Variants in EOGT observed in about 807,000 individuals in gnomAD.
The protein encoded by EOGT is EGF domain-specific O-linked N-acetylglucosamine transferase.
In EOGT, 55 loss-of-function variants were observed where a neutral mutation model predicts 70.5. The observed-to-expected ratio is 0.78, with a 90% CI of 0.63 to 0.98. EOGT has a LOEUF of 0.98. EOGT is among the 50% of genes least tolerant of loss of function. EOGT has a pLI of 0.00. For missense variants in EOGT, 703 were observed against 641.9 expected (o/e 1.10, Z -1.03); for synonymous variants, 246 against 217.1 (o/e 1.13, Z -1.17).
intron 8 of EOGT, among the ~76,000 whole-genome samples, chr3:69,001,998 T>C (rs2091306522): frequency 1.3e-5 from 2 of 152,192 alleles, no homozygotes; most frequent in Admixed American, 6.5e-5. Context: ...AAGACCATCC[T>C]GGTCAACACG....
intron 8 of EOGT, among the ~76,000 whole-genome samples, chr3:69,003,007 A>G (rs2091339603): frequency 6.6e-6 from 1 of 152,104 alleles, no homozygotes. Context: ...ACATTATGTA[A>G]GTAACCTATG....
chr3:68,987,470 T>C lies in EOGT; in HGVS notation c.1127A>G (p.Tyr376Cys), dbSNP rs1471073007. Residue 376 changes from tyrosine to cysteine, a missense_variant, in exon 14 of 18, where the codon TAC becomes TGC. Coordinates refer to ENST00000383701, the MANE Select transcript of EOGT (RefSeq NM_001278689.2). ...RVTILARSTE[Y>C]RKILNQNELV... ...CTCATTTTGGTTAAGGATTTTCCGG[T>C]ATTCTGTGCTCCGTGCAAGAATGGT... 1 of 1,613,902 alleles carries C rather than the reference T, an allele frequency of 6.2e-7. No homozygotes were observed. Among genetic ancestry groups the C allele is most frequent in the Non-Finnish European group, 8.5e-7 (1 of 1,179,904 alleles).
chr3:69,009,933 CAA>C (rs60324569), intron 3 of EOGT, 73 bp from the exon 4 acceptor site: 237 of 254,834 alleles, frequency 9.3e-4, no homozygotes, highest in Middle Eastern at 1.3e-3. Context: ...ACAACAACAA[CAA>C]AAAAAAAAAA....
intron 3 of EOGT, 85 bp from the exon 4 acceptor site, chr3:69,009,945 A>C (rs1247565677): frequency 1.2e-5 from 7 of 579,264 alleles, no homozygotes; most frequent in Middle Eastern, 5.2e-4. Context: ...AAAAAAAAAA[A>C]AAAACAAAGG....
chr3:69,007,634 A>C, intron 6 of EOGT, 79 bp downstream of exon 6: 2 of 922,170 alleles, frequency 2.2e-6, no homozygotes, highest in East Asian at 6.1e-5. Context: ...CCAGGGCAAT[A>C]GACAGAAACT....
intron 14 of EOGT, among the ~76,000 whole-genome samples, chr3:68,983,501 G>A (rs569325096): frequency 3.9e-5 from 6 of 152,330 alleles, no homozygotes; most frequent in South Asian, 2.1e-4. Flanking sequence ...ATTAGGCCAC[G>A]GGGGATCACC....
In EOGT at chr3:69,000,483, C is replaced by T. The variant is rs564854914; in HGVS notation, c.727+1125G>A. On this transcript the variant is annotated intron_variant, in intron 9 of 17. Coordinates refer to ENST00000383701, the MANE Select transcript of EOGT (RefSeq NM_001278689.2). ...ACCTGGAACATAGCATTTTTACTCG[C>T]TTTTATTTCAAAAACCTAAACTTGT... 2.3e-4 allele frequency among the ~76,000 whole-genome samples: 35 copies of T among 152,256 alleles called. No homozygotes were observed. The South Asian group carries it at 3.9e-3, about 17-fold the overall frequency.
chr3:68,989,906 C>CTCCA (rs1442193547), intron 10 of EOGT, among the ~76,000 whole-genome samples: 2 of 151,960 alleles, frequency 1.3e-5, no homozygotes, highest in Non-Finnish European at 2.9e-5. Flanking sequence ...ATGCCATATA[C>CTCCA]TCCAGCCTGG....
intron 9 of EOGT, 144 bp downstream of exon 9, chr3:69,001,464 A>C (rs2091290728): frequency 3.6e-6 from 2 of 562,310 alleles, no homozygotes; most frequent in Non-Finnish European, 6.2e-6. Context: ...TAGTTCAACT[A>C]CTTCTTCAGA....
intron 14 of EOGT, among the ~76,000 whole-genome samples, chr3:68,986,223 T>G (rs1247330935): frequency 6.6e-6 from 1 of 152,198 alleles, no homozygotes; most frequent in East Asian, 1.9e-4. Context: ...ATAATCTTCT[T>G]ACTTTAAGGC....
rs541683656 is a variant in EOGT, at chr3:68,988,389, A to G, written c.997-8T>C. 86 of 1,532,052 alleles carry G rather than the reference A, an allele frequency of 5.6e-5. 3 individuals are homozygous for G. The South Asian group carries it at 8.0e-4, about 14-fold the overall frequency. 94.9% of individuals were successfully genotyped at this position (1,532,052 alleles called of 1,614,324 possible). On this transcript the variant is annotated splice_polypyrimidine_tract_variant and splice_region_variant and intron_variant, in intron 12 of 17. Coordinates refer to ENST00000383701, the MANE Select transcript of EOGT (RefSeq NM_001278689.2). ...ATTTTGACAGCCAGATATCTAAAATAAAAACACTGGTTCATATTACAATGA... is the reference window on the plus strand; with the variant it reads ...ATTTTGACAGCCAGATATCTAAAATGAAAACACTGGTTCATATTACAATGA...
chr3:69,008,232 C>T (rs767871720), intron 5 of EOGT, among the ~76,000 whole-genome samples, 196 bp downstream of exon 5: 3 of 152,226 alleles, frequency 2.0e-5, no homozygotes, highest in Non-Finnish European at 4.4e-5. Context: ...GGCTGTTTCT[C>T]CCTCTGGCAG....
intron 10 of EOGT, among the ~76,000 whole-genome samples, chr3:68,992,535 G>A (rs1341419527): frequency 6.6e-6 from 1 of 152,178 alleles, no homozygotes; most frequent in Non-Finnish European, 1.5e-5. Context: ...CCTCCCTTCT[G>A]GCTGCTTTCA....
chr3:68,992,985 C>A (rs986443839), intron 10 of EOGT, among the ~76,000 whole-genome samples: 1 of 152,228 alleles, frequency 6.6e-6, no homozygotes, highest in Admixed American at 6.5e-5. Context: ...AGGCTGCATA[C>A]AGCATGGGGA....
chr3:68,994,011 C>T (rs2091073388), intron 10 of EOGT, among the ~76,000 whole-genome samples: 1 of 152,150 alleles, frequency 6.6e-6, no homozygotes, highest in Non-Finnish European at 1.5e-5. Context: ...TTGGTGGGGA[C>T]ACAGCCAAAC....
rs140481649 is a variant in EOGT at position 68,977,627 on chromosome 3, A to C, written c.1575T>G (p.Asp525Glu). The C allele has an allele frequency of 1.2e-3, 1,983 of 1,613,752 alleles. 2 individuals are homozygous for C. The highest frequency in any genetic ancestry group is 1.6e-3 in the Non-Finnish European group (1,855 of 1,179,896). ...AACAGACTCAGCATATTTATAGCTCATCATGTTTCTTCTTAAATGGCCACT... is the reference window on the plus strand; with the variant it reads ...AACAGACTCAGCATATTTATAGCTCCTCATGTTTCTTCTTAAATGGCCACT... ...HPKWPFKKKH[D>E]EL Residue 525 changes from aspartate to glutamate, a missense_variant, in exon 18 of 18, where the codon GAT (aspartate) becomes GAG (glutamate). Asp to Glu is a conservative substitution (Grantham distance 45). Transcript: ENST00000383701.
intron 16 of EOGT, among the ~76,000 whole-genome samples, chr3:68,979,443 C>T (rs913504141): frequency 1.3e-5 from 2 of 152,136 alleles, no homozygotes; most frequent in Non-Finnish European, 2.9e-5. Flanking sequence ...ATATCATGCT[C>T]GGGATGGGAA....
At chr3:69,007,093 C>A (rs1415835938) in intron 6 of EOGT, among the ~76,000 whole-genome samples, 7 of 152,204 alleles carry the variant, frequency 4.6e-5, no homozygotes, top group Admixed American at 3.9e-4. Flanking sequence ...CGCAGTTTAT[C>A]AATTTCTCTT....
In EOGT at chr3:68,979,522, T is replaced by C. The variant is rs375233378; in HGVS notation, c.1334+146A>G. On this transcript the variant is annotated intron_variant, in intron 16 of 17. Coordinates refer to ENST00000383701, the MANE Select transcript of EOGT (RefSeq NM_001278689.2). ...GACTTTGTATTTTTAGCTTCAGGCC[T>C]CTTTTCTTTCCAGATTGTCTATATG... 11 of 884,496 alleles carry C rather than the reference T, an allele frequency of 1.2e-5. No individual in the cohort carries two copies. In the African/African-American group the frequency reaches 1.6e-4, roughly 13 times the overall value. The allele number at this position is 884,496 out of a possible 1,614,324, so 54.8% of individuals were successfully genotyped here.
Sources: allele counts gnomAD v4.1 joint callset (sites outside exome capture counted in the v4.1 genomes callset), GRCh38; gene constraint gnomAD v4.1.1; transcripts MANE v1.5; gene names NCBI Gene and HGNC (gene_info 2026-07-23, HGNC 2026-07-21).